Variants in CLUL1 observed in about 807,000 individuals in gnomAD.
CLUL1 encodes the protein clusterin-like protein 1.
CLUL1 carries 43 observed loss-of-function variants against 49.4 expected under a neutral mutation model. The ratio of observed to expected loss-of-function variants is 0.87; its 90% CI spans 0.68 to 1.12. CLUL1 has a LOEUF of 1.12. Ranked by LOEUF, CLUL1 falls within the 50% of genes most tolerant of loss-of-function variation. The probability of loss-of-function intolerance (pLI) is 0.00; values close to 1 mark genes in which losing one functional copy is unlikely to be tolerated. For synonymous variants in CLUL1, 192 were observed against 184.9 expected (o/e 1.04, Z -0.31); for missense variants, 486 against 544.4 (o/e 0.89, Z 1.07).
rs529150651 is a variant in CLUL1, at chr18:606,136, C to T, written c.-135-842C>T. Among the ~76,000 whole-genome samples, 1 of 152,308 alleles carries T rather than the reference C, an allele frequency of 6.6e-6. No individual in the cohort carries two copies. Among genetic ancestry groups the T allele is most frequent in the South Asian group, 2.1e-4 (1 of 4,822 alleles). On this transcript the variant is annotated intron_variant, in intron 1 of 9. Coordinates refer to ENST00000692774, the MANE Select transcript of CLUL1 (RefSeq NM_001393344.1). This position sits in a 1 kb window ranked among gnomAD's most constrained non-coding sequence, Gnocchi z 4.1. Reference sequence around the variant, plus strand: ...CCTAAGGGTGGCAGGAAGAACACCCCTCCCCCAGATGGTATTTAGCGCCTC... The same window carrying T: ...CCTAAGGGTGGCAGGAAGAACACCCTTCCCCCAGATGGTATTTAGCGCCTC...
intron 1 of CLUL1, among the ~76,000 whole-genome samples, chr18:605,730 G>A (rs1318479041): frequency 6.6e-6 from 1 of 152,146 alleles, no homozygotes; most frequent in East Asian, 1.9e-4. Flanking sequence ...AGGCTGGAGT[G>A]CAGTGGTACG....
rs1214833052 is a variant in CLUL1, at chr18:627,499, G to A, written c.826G>A (p.Ala276Thr). The A allele has an allele frequency of 6.2e-7, 1 of 1,609,978 alleles. No homozygotes were observed. Among genetic ancestry groups the A allele is most frequent in the East Asian group, 2.2e-5 (1 of 44,816 alleles). The change falls in exon 6 of 10, where the codon GCA becomes ACA. Residue 276 changes from alanine (A) to threonine (T), a missense_variant. Physicochemically the swap from Ala to Thr is moderately conservative, Grantham distance 58. Transcript: ENST00000692774. The stretch of plus-strand genomic sequence containing the variant: ...TGAAACAATTACTAAGATGCTGAAG[G>A]CAATAGAAGATTTACCAAAACAAGA... ...VSETITKMLK[A>T]IEDLPKQDKA...
In CLUL1 at chr18:631,821, C is replaced by T. The variant is rs749355581; in HGVS notation, c.857-1477C>T. ...CAAGTCCCTTCCCTCAAGAGGCTTA[C>T]AGTCTAATGGAAAAGATAAGAAAGC... On this transcript the variant is annotated intron_variant, in intron 6 of 9. Transcript: ENST00000692774. Among the ~76,000 whole-genome samples, 16 of 152,250 alleles carry T rather than the reference C, an allele frequency of 1.1e-4. No homozygotes were observed. In the South Asian group the frequency reaches 1.9e-3, roughly 18 times the overall value.
chr18:646,943 G>C (rs1463306968), intron 9 of CLUL1, among the ~76,000 whole-genome samples: 1 of 151,870 alleles, frequency 6.6e-6, no homozygotes, highest in African/African-American at 2.4e-5. Flanking sequence ...TAGAGACAGG[G>C]TTTCACCATG....
At chr18:613,887 G>A (rs903680998) in intron 2 of CLUL1, among the ~76,000 whole-genome samples, 1 of 152,206 alleles carries the variant, frequency 6.6e-6, no homozygotes, top group Non-Finnish European at 1.5e-5. Context: ...TAGAGTAGCT[G>A]TAATTCTTCA....
chr18:599,899 G>A (rs2072772959), intron 1 of CLUL1, among the ~76,000 whole-genome samples: 1 of 150,274 alleles, frequency 6.7e-6, no homozygotes, highest in Admixed American at 6.6e-5. Flanking sequence ...AGTGAGCCGA[G>A]ATCGCGCCAC....
At chr18:626,914 A>G (rs1166396724) in intron 5 of CLUL1, among the ~76,000 whole-genome samples, 183 bp from the exon 6 acceptor site, 2 of 766 alleles carry the variant, frequency 2.6e-3, no homozygotes, top group African/African-American at 2.8e-3. Flanking sequence ...AAAGAAAGAA[A>G]GAAAGAAAGA....
At position 646,493 on chromosome 18, in the gene CLUL1, GAT is replaced by G. The variant is rs1466631159; in HGVS notation, c.1397+1398_1397+1399del. On this transcript the variant is annotated intron_variant, in intron 9 of 9. Transcript: ENST00000692774. ...ATCCAACAGGGGCACAAGACAGATAGATAGACACACACACACACACACACACA... is the reference window on the plus strand; with the variant it reads ...ATCCAACAGGGGCACAAGACAGATAGAGACACACACACACACACACACACA... 3.7e-3 allele frequency among the ~76,000 whole-genome samples: 384 copies of G among 104,462 alleles called. 1 individual carries two copies. Among genetic ancestry groups the G allele is most frequent in the African/African-American group, 0.012 (364 of 29,446 alleles). 68.5% of individuals were successfully genotyped at this position (104,462 alleles called of 152,430 possible).
chr18:638,645 G>A (rs1034982789), intron 7 of CLUL1, among the ~76,000 whole-genome samples: 1 of 152,002 alleles, frequency 6.6e-6, no homozygotes, highest in Non-Finnish European at 1.5e-5. Context: ...ATCACTTGAG[G>A]TTAGGAGTTT....
At chr18:640,419 GAAAAGAA>G (rs2074309760) in intron 7 of CLUL1, among the ~76,000 whole-genome samples, 1 of 150,854 alleles carries the variant, frequency 6.6e-6, no homozygotes, top group Non-Finnish European at 1.5e-5. Context: ...TGAAAAAAAA[GAAAAGAA>G]AAAAGAAAAA....
At chr18:611,703 G>A (rs559301087) in intron 2 of CLUL1, among the ~76,000 whole-genome samples, 1 of 152,332 alleles carries the variant, frequency 6.6e-6, no homozygotes, top group East Asian at 1.9e-4. Context: ...CACAAAAAGA[G>A]ATGCTTTAAA....
rs376984424 is a variant in CLUL1, at chr18:641,291, C to G, written c.995-36C>G. On this transcript the variant is annotated intron_variant, in intron 7 of 9. Transcript: ENST00000692774. ...GTTGCCCACCTCCAAGTTTCATGGA[C>G]TTTTTCCTTCTCCACATTACTTTCT... 6.9e-5 allele frequency: 110 copies of G among 1,593,270 alleles called. No individual in the cohort carries two copies. In the African/African-American group the frequency reaches 1.3e-3, roughly 19 times the overall value.
In CLUL1 at chr18:641,320, C is replaced by G. The variant is rs972042258; in HGVS notation, c.995-7C>G. On this transcript the variant is annotated splice_region_variant and splice_polypyrimidine_tract_variant and intron_variant, in intron 7 of 9. Transcript: ENST00000692774. ...TTCCTTCTCCACATTACTTTCTTCTCTGCTAGACTGTCCTGATGTACCTGC... is the reference window on the plus strand; with the variant it reads ...TTCCTTCTCCACATTACTTTCTTCTGTGCTAGACTGTCCTGATGTACCTGC... The G allele has an allele frequency of 6.2e-7, 1 of 1,613,806 alleles. No individual in the cohort carries two copies. The highest frequency in any genetic ancestry group is 1.3e-5 in the African/African-American group (1 of 74,924).
At chr18:648,572 A>G (rs1240819169) in intron 9 of CLUL1, among the ~76,000 whole-genome samples, 5 of 151,808 alleles carry the variant, frequency 3.3e-5, no homozygotes, top group Admixed American at 2.0e-4. Context: ...TTAACATCTT[A>G]TTGTTCTGGA....
intron 1 of CLUL1, among the ~76,000 whole-genome samples, chr18:604,348 C>T (rs1460319454): frequency 1.3e-5 from 2 of 152,134 alleles, no homozygotes; most frequent in Non-Finnish European, 2.9e-5. Flanking sequence ...CAGTTTTGGG[C>T]TATTATGAAC....
chr18:626,354 G>A (rs2073695797), intron 5 of CLUL1, among the ~76,000 whole-genome samples: 1 of 152,004 alleles, frequency 6.6e-6, no homozygotes, highest in African/African-American at 2.4e-5. Flanking sequence ...CACACACCTT[G>A]GCCTCCCAAA....
intron 2 of CLUL1, among the ~76,000 whole-genome samples, chr18:607,658 G>A (rs1260767751): frequency 6.6e-6 from 1 of 151,912 alleles, no homozygotes; most frequent in Non-Finnish European, 1.5e-5. Flanking sequence ...AAACTCCTGG[G>A]CTCCAGTGAT....
intron 7 of CLUL1, among the ~76,000 whole-genome samples, chr18:638,813 A>G (rs114162479): frequency 0.14 from 20,884 of 151,700 alleles, 2,133 homozygotes; most frequent in African/African-American, 0.29. Flanking sequence ...GGTCAAGATC[A>G]AGCAACTGCA....
chr18:608,888 T>A (rs2073055584), intron 2 of CLUL1, among the ~76,000 whole-genome samples: 2 of 152,342 alleles, frequency 1.3e-5, no homozygotes, highest in Non-Finnish European at 2.9e-5. Context: ...TACTTGACCA[T>A]TATAATACCA....
Sources: allele counts gnomAD v4.1 joint callset (sites outside exome capture counted in the v4.1 genomes callset), GRCh38; gene constraint gnomAD v4.1.1; non-coding constraint Gnocchi (gnomAD v3.1); transcripts MANE v1.5; gene names NCBI Gene and HGNC (gene_info 2026-07-23, HGNC 2026-07-21).